The following VPS8 variants were observed in gnomAD, a reference collection of about 807,000 sequenced individuals.
VPS8 encodes the protein vacuolar protein sorting-associated protein 8 homolog.
Under a neutral mutation model 216.4 loss-of-function variants are expected in VPS8, and 129 were observed. The ratio of observed to expected loss-of-function variants is 0.60; its 90% confidence interval spans 0.52 to 0.69. The LOEUF (loss-of-function observed/expected upper bound fraction) is 0.69. Ranked by LOEUF, VPS8 falls within the 30% of genes least tolerant of loss-of-function variation. The probability of loss-of-function intolerance (pLI) is 0.00; values close to 1 mark genes in which losing one functional copy is unlikely to be tolerated. For missense variants in VPS8, 1,531 were observed against 1,683.5 expected (o/e 0.91, Z 1.59); for synonymous variants, 571 against 565.4 (o/e 1.01, Z -0.14).
Position 184,886,105 on chromosome 3 carries a change from T to C in VPS8, c.1735-5T>C. The C allele has an allele frequency of 6.2e-7, 1 of 1,608,410 alleles. No individual in the cohort carries two copies. The highest frequency in any genetic ancestry group is 2.2e-5 in the East Asian group (1 of 44,744). Reference sequence around the variant, plus strand: ...GCTGATGCTTTCTTTATGGTTCCTCTACAGGATATGGTGCCTGTCATAGTT... The same window carrying C: ...GCTGATGCTTTCTTTATGGTTCCTCCACAGGATATGGTGCCTGTCATAGTT... On this transcript the variant is annotated splice_region_variant and splice_polypyrimidine_tract_variant and intron_variant, in intron 21 of 47. Transcript: ENST00000625842.
chr3:184,838,592 T>C (rs1239047795), intron 5 of VPS8, 122 bp from the exon 6 acceptor site: 5 of 755,636 alleles, frequency 6.6e-6, no homozygotes, highest in Non-Finnish European at 1.0e-5. Context: ...GGGGCAAAAA[T>C]AAAGGTTCTA....
chr3:184,973,204 T>G (rs1019815177), intron 40 of VPS8, among the ~76,000 whole-genome samples: 9 of 152,188 alleles, frequency 5.9e-5, no homozygotes, highest in African/African-American at 2.2e-4. Flanking sequence ...GAAGAATGGG[T>G]TTTTTTAAAT....
intron 42 of VPS8, among the ~76,000 whole-genome samples, chr3:184,990,396 C>T (rs1751732241): frequency 6.6e-6 from 1 of 152,202 alleles, no homozygotes; most frequent in Non-Finnish European, 1.5e-5. Context: ...CTCCCTTGTT[C>T]ACTATGTTAC....
At chr3:184,843,144 A>G in intron 7 of VPS8, 96 bp from the exon 8 acceptor site, 1 of 879,090 alleles carries the variant, frequency 1.1e-6, no homozygotes, top group Non-Finnish European at 1.6e-6. Context: ...TGTCACTTAT[A>G]TTCTTGAAAT....
At chr3:184,988,407 C>A (rs1448953967) in intron 42 of VPS8, among the ~76,000 whole-genome samples, 1 of 152,130 alleles carries the variant, frequency 6.6e-6, no homozygotes, top group Non-Finnish European at 1.5e-5. Context: ...GAACTAGTTC[C>A]AACACTGCTT....
intron 43 of VPS8, 70 bp from the exon 44 acceptor site, chr3:184,996,262 C>T: frequency 1.4e-6 from 2 of 1,459,088 alleles, no homozygotes; most frequent in Non-Finnish European, 1.8e-6. Context: ...TGCTATTCAC[C>T]ATTCATCTCC....
intron 23 of VPS8, among the ~76,000 whole-genome samples, chr3:184,896,627 C>T (rs1733536409): frequency 6.6e-6 from 1 of 152,148 alleles, no homozygotes; most frequent in Non-Finnish European, 1.5e-5. Context: ...ATTTTATTTA[C>T]TCTTTTAACA....
intron 47 of VPS8, 98 bp downstream of exon 47, chr3:185,048,657 G>T: frequency 7.4e-7 from 1 of 1,358,648 alleles, no homozygotes; most frequent in Non-Finnish European, 1.0e-6. Context: ...CCTCCTTCTA[G>T]CCTGGAAGGT....
At chr3:185,019,294 C>T (rs536772581) in intron 45 of VPS8, among the ~76,000 whole-genome samples, 7 of 152,022 alleles carry the variant, frequency 4.6e-5, no homozygotes, top group Non-Finnish European at 1.0e-4. Context: ...CACCACTTGC[C>T]GAGACCAGCT....
At chr3:184,821,104 A>T (rs539560337) in intron 1 of VPS8, among the ~76,000 whole-genome samples, 1 of 152,350 alleles carries the variant, frequency 6.6e-6, no homozygotes, top group African/African-American at 2.4e-5. Context: ...GTTGAAAATT[A>T]TGTCCAGACA....
In VPS8 at chr3:184,853,814, A is replaced by G. The variant is rs561406732; in HGVS notation, c.822-43A>G. 4 of 1,549,516 alleles carry G rather than the reference A, an allele frequency of 2.6e-6. No homozygotes were observed. In the Admixed American group the frequency reaches 7.8e-5, roughly 30 times the overall value. ...CCAGGTAGAGATAGTAGTGCCTTGG[A>G]TCATTGCTAAATTGATTCTGAATTT... On this transcript the variant is annotated intron_variant, in intron 11 of 47. Coordinates refer to ENST00000625842, the MANE Select transcript of VPS8 (RefSeq NM_001009921.3).
chr3:184,866,760 A>AT, intron 16 of VPS8, 116 bp from the exon 17 acceptor site: 2 of 910,702 alleles, frequency 2.2e-6, no homozygotes, highest in Non-Finnish European at 3.3e-6. Flanking sequence ...ATTGTAAACT[A>AT]TAATCACTAA....
chr3:184,944,602 A>G (rs1743346118), intron 36 of VPS8: 2 of 984,054 alleles, frequency 2.0e-6, no homozygotes, highest in African/African-American at 3.5e-5. Context: ...AAGTATATTT[A>G]TATTCTGAAT....
intron 1 of VPS8, among the ~76,000 whole-genome samples, chr3:184,814,478 C>G (rs1007340306): frequency 1.3e-5 from 2 of 152,200 alleles, no homozygotes; most frequent in African/African-American, 4.8e-5. Flanking sequence ...CTGCTACACA[C>G]CTAGACTATG....
At chr3:185,036,970 T>G (rs1758995183) in intron 46 of VPS8, among the ~76,000 whole-genome samples, 1 of 152,048 alleles carries the variant, frequency 6.6e-6, no homozygotes, top group Non-Finnish European at 1.5e-5. Context: ...TATACACATT[T>G]TATATGACTG....
chr3:185,002,183 T>G (rs1561063861), intron 45 of VPS8, among the ~76,000 whole-genome samples: 1 of 152,240 alleles, frequency 6.6e-6, no homozygotes, highest in Non-Finnish European at 1.5e-5. Context: ...TGGCATTATA[T>G]TTTTTCATTG....
intron 46 of VPS8, among the ~76,000 whole-genome samples, chr3:185,047,399 G>T (rs1713177179): frequency 6.6e-6 from 1 of 152,114 alleles, no homozygotes; most frequent in Non-Finnish European, 1.5e-5. Flanking sequence ...ACCCAACTCG[G>T]AGAACTTGCC....
chr3:185,042,205 T>TGAGCATCTGGATTGTGTTGTC (rs1328310096), intron 46 of VPS8, among the ~76,000 whole-genome samples: 1 of 152,236 alleles, frequency 6.6e-6, no homozygotes, highest in African/African-American at 2.4e-5. Flanking sequence ...TCTGTGTTGT[T>TGAGCATCTGGATTGTGTTGTC]GAGCATCTGG....
At chr3:184,927,070 G>A (rs747086137) in intron 31 of VPS8, among the ~76,000 whole-genome samples, 16 of 152,126 alleles carry the variant, frequency 1.1e-4, no homozygotes, top group Non-Finnish European at 2.1e-4. Context: ...CACTGCATTA[G>A]GGCTGACCAT....
Sources: allele counts gnomAD v4.1 joint callset (sites outside exome capture counted in the v4.1 genomes callset), GRCh38; gene constraint gnomAD v4.1.1; transcripts MANE v1.5; gene names NCBI Gene and HGNC (gene_info 2026-07-23, HGNC 2026-07-21).